Variants in CACNA1D observed in about 807,000 individuals in gnomAD.
CACNA1D encodes voltage-dependent L-type calcium channel subunit alpha-1D.
CACNA1D carries 55 observed loss-of-function variants against 257.1 expected under a neutral mutation model. The ratio of observed to expected loss-of-function variants is 0.21; its 90% CI spans 0.17 to 0.27. The LOEUF (loss-of-function observed/expected upper bound fraction) is 0.27. CACNA1D is among the 10% of genes least tolerant of loss of function. The pLI is 1.00. For synonymous variants in CACNA1D, 980 were observed against 1,014.9 expected (o/e 0.97, Z 0.65); for missense variants, 1,876 against 2,784.0 (o/e 0.67, Z 7.34).
intron 9 of CACNA1D, 47 bp downstream of exon 9, chr3:53,702,857 G>T: frequency 1.2e-6 from 2 of 1,607,096 alleles, no homozygotes; most frequent in East Asian, 2.2e-5. Context: ...CCAGTGTGCG[G>T]TTCAGACGCC....
intron 3 of CACNA1D, among the ~76,000 whole-genome samples, chr3:53,554,073 A>G (rs367842859): frequency 9.2e-5 from 14 of 151,812 alleles, no homozygotes; most frequent in East Asian, 3.9e-4. Context: ...GTGGGTGCCT[A>G]TAGTCCCAGC....
rs1234279211 is a variant in CACNA1D at position 53,495,287 on chromosome 3, T to A, written c.67+54T>A. ...GCCAAATCCGATCCTGTCATGGTCC[T>A]CCAGCCCCCTCCCCCTTCCCCGCGG... On this transcript the variant is annotated intron_variant, in intron 1 of 47. Coordinates refer to ENST00000350061, the MANE Select transcript of CACNA1D (RefSeq NM_001128840.3). The surrounding 1 kb of genome is among the most constrained non-coding windows in gnomAD (Gnocchi z 5.1). The A allele has an allele frequency of 6.2e-7, 1 of 1,605,264 alleles. No homozygotes were observed.
intron 9 of CACNA1D, among the ~76,000 whole-genome samples, chr3:53,709,356 C>T (rs183434309): frequency 1.2e-3 from 176 of 152,292 alleles, no homozygotes; most frequent in Non-Finnish European, 1.8e-3. Flanking sequence ...ATGTGACTTA[C>T]GTGGCAAAGC....
chr3:53,616,240 A>G (rs1461070370), intron 3 of CACNA1D, among the ~76,000 whole-genome samples: 2 of 152,134 alleles, frequency 1.3e-5, no homozygotes, highest in Non-Finnish European at 2.9e-5. Flanking sequence ...TCAGCGTTCG[A>G]CTTTGAACCT....
intron 3 of CACNA1D, among the ~76,000 whole-genome samples, chr3:53,603,337 TG>T: frequency 6.6e-6 from 1 of 152,332 alleles, no homozygotes; most frequent in South Asian, 2.1e-4. Flanking sequence ...TGCTGGGGTT[TG>T]AATCGCACCT....
chr3:53,600,136 C>A (rs1038316015), intron 3 of CACNA1D, among the ~76,000 whole-genome samples: 2 of 152,258 alleles, frequency 1.3e-5, no homozygotes, highest in African/African-American at 4.8e-5. Context: ...TCCTTGGGAA[C>A]TGGTGGTTCC....
At chr3:53,503,642 T>C (rs2090696370) in intron 3 of CACNA1D, among the ~76,000 whole-genome samples, 1 of 152,186 alleles carries the variant, frequency 6.6e-6, no homozygotes, top group Non-Finnish European at 1.5e-5. Context: ...ATAGGCACTG[T>C]CAGACCATTT....
Position 53,757,218 on chromosome 3 carries a change from G to GTT in CACNA1D, c.3786+3544_3786+3545dup, listed in dbSNP as rs34641708. ...CCTGCTGGAGAGAAAATTTGACACT[G>GTT]TTTTTTTTTCAGTTCTTCATGACCC... On this transcript the variant is annotated intron_variant, in intron 29 of 47. Coordinates refer to ENST00000350061, the MANE Select transcript of CACNA1D (RefSeq NM_001128840.3). Among the ~76,000 whole-genome samples the GTT allele has an allele frequency of 6.0e-5, 9 of 150,114 alleles. No individual in the cohort carries two copies. The South Asian group carries it at 6.4e-4, about 11-fold the overall frequency.
In CACNA1D at chr3:53,722,404, G is replaced by A; in HGVS notation, c.1596G>A (p.Leu532=). The A allele has an allele frequency of 6.2e-7, 1 of 1,614,130 alleles. No individual in the cohort carries two copies. Among genetic ancestry groups the A allele is most frequent in the South Asian group, 1.1e-5 (1 of 91,082 alleles). The part of the protein sequence containing the change: ...SVTFYWLVIV[L]VFLNTLTISS... Reference sequence around the variant, plus strand: ...CGTTTTACTGGCTGGTTATCGTCCTGGTGTTTCTGAACACCTTAACCATTT... The same window carrying A: ...CGTTTTACTGGCTGGTTATCGTCCTAGTGTTTCTGAACACCTTAACCATTT... Residue 532 remains leucine, a synonymous_variant, in exon 12 of 48, where the codon CTG becomes CTA. Transcript: ENST00000350061.
intron 8 of CACNA1D, among the ~76,000 whole-genome samples, chr3:53,689,215 A>G (rs1417990326): frequency 6.6e-6 from 1 of 152,142 alleles, no homozygotes; most frequent in Admixed American, 6.5e-5. Context: ...TTGTCAGGAG[A>G]GTGGGACCTG....
intron 3 of CACNA1D, among the ~76,000 whole-genome samples, chr3:53,620,725 G>C (rs756854654): frequency 6.6e-6 from 1 of 152,214 alleles, no homozygotes; most frequent in Non-Finnish European, 1.5e-5. Flanking sequence ...GTAAGAACTT[G>C]ATTTGCACCC....
intron 10 of CACNA1D, 36 bp from the exon 11 acceptor site, chr3:53,719,717 CGG>C (rs752194677): frequency 6.2e-6 from 10 of 1,605,034 alleles, no homozygotes; most frequent in Non-Finnish European, 8.5e-6. Context: ...CTCAAGCCCT[CGG>C]AACCAGAATC....
At chr3:53,794,474 G>A (rs1468556751) in intron 40 of CACNA1D, among the ~76,000 whole-genome samples, 1 of 152,160 alleles carries the variant, frequency 6.6e-6, no homozygotes. Context: ...GCCATAGGAA[G>A]GCCATTTCTT....
Position 53,770,421 on chromosome 3 carries a change from C to T in CACNA1D, c.3916-3C>T. On this transcript the variant is annotated splice_polypyrimidine_tract_variant and splice_region_variant and intron_variant, in intron 31 of 47. Transcript: ENST00000350061. ...GTTTGACCTCTCCATGATAACCCTT[C>T]AGAACTCTGAAGAGAGCAATAGAAT... 2 of 1,613,946 alleles carry T rather than the reference C, an allele frequency of 1.2e-6. No homozygotes were observed. Among genetic ancestry groups the T allele is most frequent in the Non-Finnish European group, 1.7e-6 (2 of 1,179,818 alleles).
intron 3 of CACNA1D, among the ~76,000 whole-genome samples, chr3:53,622,944 C>T (rs1233984909): frequency 6.6e-6 from 1 of 151,496 alleles, no homozygotes; most frequent in African/African-American, 2.4e-5. Flanking sequence ...GGCTGCAGTG[C>T]AATGGCTCGA....
intron 40 of CACNA1D, chr3:53,796,182 C>A: frequency 2.7e-6 from 1 of 363,642 alleles, no homozygotes; most frequent in Non-Finnish European, 5.6e-6. Flanking sequence ...TGGGTATAGA[C>A]TGAATCCTGC....
chr3:53,581,901 T>G (rs1471446599), intron 3 of CACNA1D, among the ~76,000 whole-genome samples: 1 of 152,230 alleles, frequency 6.6e-6, no homozygotes, highest in Non-Finnish European at 1.5e-5. Flanking sequence ...CTGCTCAGAA[T>G]CAGGATAGCA....
At chr3:53,625,879 A>C (rs143075090) in intron 3 of CACNA1D, among the ~76,000 whole-genome samples, 2,045 of 152,304 alleles carry the variant, frequency 0.013, 11 homozygotes, top group Non-Finnish European at 0.022. Context: ...TTCAATGCAG[A>C]AAGGACCTGA....
intron 3 of CACNA1D, among the ~76,000 whole-genome samples, chr3:53,572,290 A>T (rs2092957972): frequency 1.3e-5 from 2 of 152,154 alleles, no homozygotes; most frequent in Non-Finnish European, 2.9e-5. Context: ...GAGCCTGAGA[A>T]TGTCTTGGAT....
Sources: gnomAD v4.1 joint callset for allele counts (sites outside exome capture counted in the v4.1 genomes callset) on GRCh38, gnomAD v4.1.1 for gene constraint, Gnocchi (gnomAD v3.1) non-coding constraint, MANE v1.5 for transcripts, NCBI Gene and HGNC (gene_info 2026-07-23, HGNC 2026-07-21) for gene names.